The following IGF1R variants were observed in gnomAD, a reference collection of about 807,000 sequenced individuals.
IGF1R encodes the protein insulin-like growth factor 1 receptor.
In IGF1R, 44 loss-of-function variants were observed where a neutral mutation model predicts 144.6. The ratio of observed to expected loss-of-function variants is 0.30; its 90% CI spans 0.24 to 0.39. IGF1R has a LOEUF of 0.39. Among genes scored for constraint, IGF1R ranks in the 10% least tolerant of loss-of-function variants. The pLI is 1.00. For missense variants in IGF1R, 1,355 were observed against 1,833.7 expected, an observed-to-expected ratio of 0.74 and a Z score of 4.77; for synonymous variants, 795 against 722.8, an observed-to-expected ratio of 1.10 and a Z score of -1.60.
intron 1 of IGF1R, among the ~76,000 whole-genome samples, chr15:98,680,338 C>A (rs2053157740): frequency 6.6e-6 from 1 of 151,862 alleles, no homozygotes. Context: ...GCAGTCTCGG[C>A]TCACTGCAAC....
chr15:98,800,092 G>A (rs550199538), intron 2 of IGF1R, among the ~76,000 whole-genome samples: 8 of 152,166 alleles, frequency 5.3e-5, no homozygotes, highest in African/African-American at 1.2e-4. Context: ...GTAGCCTCTC[G>A]TTTCTCATGG....
At chr15:98,776,922 A>C (rs528543500) in intron 2 of IGF1R, among the ~76,000 whole-genome samples, 4 of 152,350 alleles carry the variant, frequency 2.6e-5, no homozygotes, top group Admixed American at 2.6e-4. Context: ...AGAGCTGGAC[A>C]CAGGTGCTTA....
At chr15:98,835,107 ACACCCCTACACCCACACACACC>A (rs937456155) in intron 2 of IGF1R, among the ~76,000 whole-genome samples, 23 of 134,282 alleles carry the variant, frequency 1.7e-4, no homozygotes, top group African/African-American at 5.9e-4. Flanking sequence ...ACACACACAC[ACACCCCTACACCCACACACACC>A]CACCCCTACA....
In IGF1R at chr15:98,922,406, C is replaced by G. The variant is rs769964962; in HGVS notation, c.2460C>G (p.Phe820Leu). The change falls in exon 11 of 21, where the codon TTC becomes TTG. Residue 820 changes from phenylalanine to leucine, a missense_variant. Phe to Leu is a conservative substitution (Grantham distance 22). Coordinates refer to ENST00000650285, the MANE Select transcript of IGF1R (RefSeq NM_000875.5). ...AGCTGGGCTGCAGCGCCTCCAACTT[C>G]GTCTTTGCAAGGACTATGCCCGCAG... is the stretch of plus-strand genomic sequence containing the variant. Reference protein sequence around the residue: ...AEKLGCSASNFVFARTMPAEG... With the variant: ...AEKLGCSASNLVFARTMPAEG... The G allele has an allele frequency of 8.1e-6, 13 of 1,612,966 alleles. No homozygotes were observed. The highest frequency in any genetic ancestry group is 1.0e-5 in the Non-Finnish European group (12 of 1,180,036).
At chr15:98,695,795 C>G (rs985372938) in intron 1 of IGF1R, among the ~76,000 whole-genome samples, 2 of 152,040 alleles carry the variant, frequency 1.3e-5, no homozygotes, top group African/African-American at 4.8e-5. Context: ...TCTCCTCCAG[C>G]AGGGTCATAA....
At chr15:98,781,417 G>A (rs1426677424) in intron 2 of IGF1R, among the ~76,000 whole-genome samples, 1 of 152,066 alleles carries the variant, frequency 6.6e-6, no homozygotes, top group Admixed American at 6.5e-5. Flanking sequence ...TACTAATGTC[G>A]CACATCAGAT....
chr15:98,876,679 C>T (rs553816187), intron 2 of IGF1R, among the ~76,000 whole-genome samples: 7 of 152,070 alleles, frequency 4.6e-5, no homozygotes, highest in South Asian at 2.1e-4. Context: ...TGTTTTTTTC[C>T]GAGGCACTTT....
intron 1 of IGF1R, among the ~76,000 whole-genome samples, chr15:98,672,846 C>T (rs926418228): frequency 1.6e-4 from 24 of 152,042 alleles, no homozygotes; most frequent in African/African-American, 5.3e-4. Flanking sequence ...AGCAGTGAAT[C>T]TGGTGAAACT....
intron 2 of IGF1R, among the ~76,000 whole-genome samples, chr15:98,726,712 A>ATTTTTTTTTTT (rs756622481): frequency 3.2e-5 from 3 of 93,104 alleles, no homozygotes; most frequent in Admixed American, 1.2e-4. Flanking sequence ...TACATTGATG[A>ATTTTTTTTTTT]TTTTTTTTTT....
intron 1 of IGF1R, among the ~76,000 whole-genome samples, chr15:98,662,303 TC>T (rs1274862578): frequency 6.6e-6 from 1 of 152,014 alleles, no homozygotes; most frequent in Non-Finnish European, 1.5e-5. Context: ...TTTTTGCACA[TC>T]TACAGTGAAA....
intron 1 of IGF1R, among the ~76,000 whole-genome samples, chr15:98,701,973 G>A (rs536624985): frequency 1.3e-5 from 2 of 151,740 alleles, no homozygotes; most frequent in African/African-American, 4.8e-5. Flanking sequence ...TAGAGGTGAG[G>A]TGTGTCTGCC....
intron 2 of IGF1R, among the ~76,000 whole-genome samples, chr15:98,780,327 G>T (rs1351879864): frequency 6.6e-6 from 1 of 151,644 alleles, no homozygotes; most frequent in Non-Finnish European, 1.5e-5. Context: ...GAGGCGGGTG[G>T]ATCACCTGAG....
At chr15:98,911,799 T>C (rs1021410632) in intron 7 of IGF1R, among the ~76,000 whole-genome samples, 1 of 152,176 alleles carries the variant, frequency 6.6e-6, no homozygotes, top group Non-Finnish European at 1.5e-5. Context: ...AAATATCGTT[T>C]CAGCCTCCTT....
rs2014368926 is a variant in IGF1R, at chr15:98,899,533, T to C, written c.1159T>C (p.Tyr387His). 1 of 1,614,050 alleles carries C rather than the reference T, an allele frequency of 6.2e-7. No individual in the cohort carries two copies. Among genetic ancestry groups the C allele is most frequent in the African/African-American group, 1.3e-5 (1 of 74,928 alleles). The stretch of plus-strand genomic sequence containing the variant: ...GGGGCTCATCGAGGTGGTGACGGGC[T>C]ACGTGAAGATCCGCCATTCTCATGC... ...FMGLIEVVTG[Y>H]VKIRHSHALV... The change falls in exon 5 of 21, where the codon TAC becomes CAC. Residue 387 changes from tyrosine (Y) to histidine (H), a missense_variant. Tyr to His is a moderately conservative substitution (Grantham distance 83). Transcript: ENST00000650285.
chr15:98,897,485 C>G (rs74034282), intron 4 of IGF1R: 10,186 of 154,248 alleles, frequency 0.066, 379 homozygotes, highest in Middle Eastern at 0.12. Flanking sequence ...AGATGGCATT[C>G]CTGGTAAGTT....
At chr15:98,882,148 T>C (rs2064409666) in intron 2 of IGF1R, among the ~76,000 whole-genome samples, 1 of 152,118 alleles carries the variant, frequency 6.6e-6, no homozygotes, top group Admixed American at 6.5e-5. Flanking sequence ...TTAGAATAGG[T>C]CTAGGGCGTG....
At position 98,905,212 on chromosome 15, in the gene IGF1R, A is replaced by G. The variant is rs543242276; in HGVS notation, c.1248-3473A>G. On this transcript the variant is annotated intron_variant, in intron 5 of 20. Transcript: ENST00000650285. The stretch of plus-strand genomic sequence containing the variant: ...TAGAGATGTCCTCAGGAAGATAACC[A>G]ACTGTTCCCATCCTGTGTGGTCTAC... Among the ~76,000 whole-genome samples the G allele has an allele frequency of 1.6e-3, 244 of 152,272 alleles. 1 individual carries two copies. Among genetic ancestry groups the G allele is most frequent in the Middle Eastern group, 0.01 (3 of 294 alleles).
At chr15:98,662,238 C>T (rs2141178967) in intron 1 of IGF1R, among the ~76,000 whole-genome samples, 1 of 152,158 alleles carries the variant, frequency 6.6e-6, no homozygotes, top group Middle Eastern at 3.4e-3. Context: ...ACCTCGGCCT[C>T]CCATAGTGCT....
rs201734173 is a variant in IGF1R, at chr15:98,957,496, TGG to T, written c.*61_*62del. ...TAACGTGTGCGCACGCGCAGCGGGG[TGG>T]GGGGGGAGAGAGAGTTTTAACAATC... On this transcript the variant is annotated 3_prime_UTR_variant, in exon 21 of 21. Coordinates refer to ENST00000650285, the MANE Select transcript of IGF1R (RefSeq NM_000875.5). The T allele has an allele frequency of 2.5e-6, 4 of 1,599,100 alleles. No individual in the cohort carries two copies. The highest frequency in any genetic ancestry group is 2.2e-5 in the South Asian group (2 of 90,486).
Sources: gnomAD v4.1 joint callset for allele counts (sites outside exome capture counted in the v4.1 genomes callset) on GRCh38, gnomAD v4.1.1 for gene constraint, MANE v1.5 for transcripts, NCBI Gene and HGNC (gene_info 2026-07-23, HGNC 2026-07-21) for gene names.